Variants in SBNO1 observed in about 807,000 individuals in gnomAD.
SBNO1 encodes the protein protein strawberry notch homolog 1.
Under a neutral mutation model 173.6 loss-of-function variants are expected in SBNO1, and 23 were observed. The ratio of observed to expected loss-of-function variants is 0.13; its 90% confidence interval spans 0.10 to 0.19. The LOEUF (loss-of-function observed/expected upper bound fraction) is 0.19. Among genes scored for constraint, SBNO1 ranks in the 10% least tolerant of loss-of-function variants. SBNO1 has a pLI of 1.00. For missense variants in SBNO1, 1,238 were observed against 1,671.2 expected (o/e 0.74, Z 4.52); for synonymous variants, 632 against 571.5 (o/e 1.11, Z -1.51).
intron 28 of SBNO1, among the ~76,000 whole-genome samples, chr12:123,308,369 G>A (rs1208941030): frequency 1.3e-5 from 2 of 152,046 alleles, no homozygotes; most frequent in African/African-American, 4.8e-5. Flanking sequence ...TATGAAAAAT[G>A]CTTAATTTAA....
intron 5 of SBNO1, among the ~76,000 whole-genome samples, chr12:123,339,284 TCC>T (rs2139033715): frequency 6.6e-6 from 1 of 152,138 alleles, no homozygotes; most frequent in African/African-American, 2.4e-5. Flanking sequence ...CTTTCCCCTC[TCC>T]GTTTTTCAAT....
chr12:123,359,666 T>C (rs1030940168), intron 1 of SBNO1, among the ~76,000 whole-genome samples: 3 of 152,158 alleles, frequency 2.0e-5, no homozygotes, highest in Non-Finnish European at 4.4e-5. Flanking sequence ...AAAGCATGAC[T>C]CTGATCTATA....
Position 123,321,545 on chromosome 12 carries a change from A to G in SBNO1, c.2313T>C (p.Asp771=). The G allele has an allele frequency of 6.2e-7, 1 of 1,610,104 alleles. No individual in the cohort carries two copies. Among genetic ancestry groups the G allele is most frequent in the Non-Finnish European group, 8.5e-7 (1 of 1,176,374 alleles). Residue 771 remains aspartate, a synonymous_variant, in exon 17 of 32, where the codon GAT becomes GAC. Coordinates refer to ENST00000602398, the MANE Select transcript of SBNO1 (RefSeq NM_001167856.3). ...ATATACTGAACTTACCATTTTCATC[A>G]TCCTCATTAGACTCATCTAAAAATG... The part of the protein sequence containing the change: ...FNPFLDESNE[D]DENDPWLIRK...
Position 123,361,968 on chromosome 12 carries a change from G to A in SBNO1, c.-1+2733C>T, listed in dbSNP as rs190309304. Among the ~76,000 whole-genome samples the A allele has an allele frequency of 3.1e-3, 465 of 150,222 alleles. 1 individual carries two copies. The highest frequency in any genetic ancestry group is 0.011 in the African/African-American group (450 of 40,842). ...AGCCTGGCCAATATGGTGAAACCCC[G>A]TGTCTACTAAAAATACGAAAATTAG... On this transcript the variant is annotated intron_variant, in intron 1 of 31. Transcript: ENST00000602398.
chr12:123,333,169 C>A (rs1871419241), intron 7 of SBNO1, among the ~76,000 whole-genome samples: 1 of 152,008 alleles, frequency 6.6e-6, no homozygotes, highest in Non-Finnish European at 1.5e-5. Flanking sequence ...AGCCACCATG[C>A]CCAGCCAAAT....
intron 30 of SBNO1, among the ~76,000 whole-genome samples, chr12:123,298,431 T>C (rs2048676141): frequency 6.6e-6 from 1 of 152,184 alleles, no homozygotes; most frequent in Non-Finnish European, 1.5e-5. Flanking sequence ...TGTTGTTTTG[T>C]ATTTTTAGTA....
At position 123,311,095 on chromosome 12, in the gene SBNO1, T is replaced by C; in HGVS notation, c.3255A>G (p.Ile1085Met). Reference protein sequence around the residue: ...VRQGLIGVGLINVEDRSGILT... With the variant: ...VRQGLIGVGLMNVEDRSGILT... The stretch of plus-strand genomic sequence containing the variant: ...GAATTCCCGAGCGATCTTCTACATT[T>C]ATCAGGCCAACGCCTATCAGTCCTT... The change falls in exon 25 of 32, where the codon ATA (isoleucine) becomes ATG (methionine). Residue 1085 changes from isoleucine (I) to methionine (M), a missense_variant. Coordinates refer to ENST00000602398, the MANE Select transcript of SBNO1 (RefSeq NM_001167856.3). 1 of 1,613,900 alleles carries C rather than the reference T, an allele frequency of 6.2e-7. No homozygotes were observed. Among genetic ancestry groups the C allele is most frequent in the Non-Finnish European group, 8.5e-7 (1 of 1,179,802 alleles).
chr12:123,297,660 T>C (rs1288644518), intron 31 of SBNO1, among the ~76,000 whole-genome samples: 1 of 151,956 alleles, frequency 6.6e-6, no homozygotes, highest in Admixed American at 6.6e-5. Context: ...GTTAGCTCAA[T>C]GGAGAACTCC....
chr12:123,329,228 A>G (rs1324100236), intron 9 of SBNO1, among the ~76,000 whole-genome samples: 1 of 152,108 alleles, frequency 6.6e-6, no homozygotes, highest in Non-Finnish European at 1.5e-5. Context: ...AAAAAATACA[A>G]AAATTAGCCA....
In SBNO1 at chr12:123,289,458, A is replaced by C. The variant is rs1212337322; in HGVS notation, c.*6450T>G. The C allele has an allele frequency of 6.6e-6, 1 of 152,298 alleles. No homozygotes were observed. Among genetic ancestry groups the C allele is most frequent in the Non-Finnish European group, 1.5e-5 (1 of 68,064 alleles). The allele number at this position is 152,298 out of a possible 1,614,324, so 9.4% of individuals were successfully genotyped here. A position where few individuals can be genotyped will look rare whatever the true frequency, so the allele number is the denominator to read the frequency against. Reference sequence around the variant, plus strand: ...GCGATAACAAAAGGGAGATTTAAAAAAGAGAACCAAATGAAAACACACCAA... The same window carrying C: ...GCGATAACAAAAGGGAGATTTAAAACAGAGAACCAAATGAAAACACACCAA... On this transcript the variant is annotated 3_prime_UTR_variant, in exon 32 of 32. Coordinates refer to ENST00000602398, the MANE Select transcript of SBNO1 (RefSeq NM_001167856.3).
chr12:123,347,878 G>A (rs923771509), intron 3 of SBNO1, 151 bp downstream of exon 3: 7 of 425,602 alleles, frequency 1.6e-5, no homozygotes, highest in South Asian at 1.3e-4. Context: ...TTTTGCTCAA[G>A]CTGGTCTTGA....
intron 1 of SBNO1, among the ~76,000 whole-genome samples, chr12:123,354,888 T>G (rs1874265137): frequency 6.6e-6 from 1 of 152,160 alleles, no homozygotes; most frequent in South Asian, 2.1e-4. Flanking sequence ...AGTTCAATTT[T>G]TATCATAAAT....
At chr12:123,364,042 G>A in intron 1 of SBNO1, 1 of 985,500 alleles carries the variant, frequency 1.0e-6, no homozygotes, top group Non-Finnish European at 1.2e-6. Flanking sequence ...CCCCTCCATG[G>A]GTAATTCTTA....
At chr12:123,319,685 A>C (rs1593356454) in intron 20 of SBNO1, among the ~76,000 whole-genome samples, 1 of 151,536 alleles carries the variant, frequency 6.6e-6, no homozygotes, top group Admixed American at 6.6e-5. Context: ...CTGGAATTAC[A>C]GGCCTGAGCC....
chr12:123,319,063 CAGCTATTCT>C (rs1869655302), intron 20 of SBNO1, among the ~76,000 whole-genome samples: 1 of 150,976 alleles, frequency 6.6e-6, no homozygotes, highest in Admixed American at 6.6e-5. Flanking sequence ...TCCCAGGTTC[CAGCTATTCT>C]CCTCCCTCAG....
intron 23 of SBNO1, among the ~76,000 whole-genome samples, chr12:123,314,252 C>T (rs1397398602): frequency 8.6e-5 from 13 of 151,964 alleles, no homozygotes; most frequent in East Asian, 1.9e-4. Context: ...CTGAAACCTC[C>T]GCCTCCTGGG....
At chr12:123,311,833 TC>T (rs1868606721) in intron 24 of SBNO1, among the ~76,000 whole-genome samples, 1 of 151,238 alleles carries the variant, frequency 6.6e-6, no homozygotes, top group African/African-American at 2.4e-5. Flanking sequence ...CCTCCCAGGC[TC>T]AAGGGATCCT....
chr12:123,357,290 A>G (rs540330250), intron 1 of SBNO1, among the ~76,000 whole-genome samples: 2 of 152,070 alleles, frequency 1.3e-5, no homozygotes, highest in South Asian at 4.1e-4. Flanking sequence ...CATCTCTACT[A>G]AAAACACAAA....
In SBNO1 at chr12:123,328,751, C is replaced by T; in HGVS notation, c.1279G>A (p.Asp427Asn). The change falls in exon 10 of 32, where the codon GAT (aspartate) becomes AAT (asparagine). Residue 427 changes from aspartate to asparagine, a missense_variant. Physicochemically the swap from Asp to Asn is conservative, Grantham distance 23. This residue lies in a region of SBNO1 where 182 missense variants were observed against 339.9 expected (regional missense o/e 0.54). Transcript: ENST00000602398. The part of the protein sequence containing the change: ...RLKQLLHWCG[D>N]DFDGVIVFDE... ...AAGGATACCACTCCATCGAAGTCAT[C>T]ACCGCACCAATGCAGAAGTTGTTTT... 1.9e-6 allele frequency: 3 copies of T among 1,580,792 alleles called. No homozygotes were observed. The highest frequency in any genetic ancestry group is 2.6e-6 in the Non-Finnish European group (3 of 1,161,058).
Sources: gnomAD v4.1 joint callset for allele counts (sites outside exome capture counted in the v4.1 genomes callset) on GRCh38, gnomAD v4.1.1 for gene constraint, gnomAD v4.1.1 regional missense constraint, MANE v1.5 for transcripts, NCBI Gene and HGNC (gene_info 2026-07-23, HGNC 2026-07-21) for gene names.